KREMEN1: variants seen among roughly 807,000 people sequenced by gnomAD.
The protein encoded by KREMEN1 is kringle containing transmembrane protein 1, also known as kremen protein 1.
Under a neutral mutation model 46.5 loss-of-function variants are expected in KREMEN1, and 30 were observed. The ratio of observed to expected loss-of-function variants is 0.65; its 90% CI spans 0.48 to 0.88. The LOEUF is 0.88. Among genes scored for constraint, KREMEN1 ranks in the 40% least tolerant of loss-of-function variants. The pLI is 0.00. For missense variants in KREMEN1, 533 were observed against 596.9 expected, an observed-to-expected ratio of 0.89 and a Z score of 1.11; for synonymous variants, 214 against 230.6, an observed-to-expected ratio of 0.93 and a Z score of 0.65.
At chr22:29,101,730 A>T (rs1196394245) in intron 3 of KREMEN1, among the ~76,000 whole-genome samples, 1 of 152,226 alleles carries the variant, frequency 6.6e-6, no homozygotes, top group Non-Finnish European at 1.5e-5. Flanking sequence ...CATGCTGCTC[A>T]GGTTTGTAGC....
chr22:29,142,541 C>A lies in KREMEN1; in HGVS notation c.*429C>A. On this transcript the variant is annotated 3_prime_UTR_variant, in exon 9 of 9. Coordinates refer to ENST00000400335, the MANE Select transcript of KREMEN1 (RefSeq NM_001039570.3). ...TTTTTGTCCACACACAAATCAGTTT[C>A]TCCTGATCTTTATGTCTTGGAACAG... is the stretch of plus-strand genomic sequence containing the variant. 1 of 987,628 alleles carries A rather than the reference C, an allele frequency of 1.0e-6. No homozygotes were observed. The highest frequency in any genetic ancestry group is 4.7e-5 in the South Asian group (1 of 21,324). The allele number at this position is 987,628 out of a possible 1,614,324, so 61.2% of individuals were successfully genotyped here.
rs752316706 is a variant in KREMEN1 at position 29,094,334 on chromosome 22, G to A, written c.174G>A (p.Leu58=). The part of the protein sequence containing the change: ...WTALQGGKPC[L]FWNETFQHPY... Reference sequence around the variant, plus strand: ...CACTACAAGGCGGGAAGCCATGTCTGTTTTGGAACGAGACTTTCCAGCATC... The same window carrying A: ...CACTACAAGGCGGGAAGCCATGTCTATTTTGGAACGAGACTTTCCAGCATC... Residue 58 remains leucine (L), a synonymous_variant, in exon 2 of 9, where the codon CTG becomes CTA. Coordinates refer to ENST00000400335, the MANE Select transcript of KREMEN1 (RefSeq NM_001039570.3). 4.3e-6 allele frequency: 7 copies of A among 1,613,836 alleles called. No homozygotes were observed. Among genetic ancestry groups the A allele is most frequent in the Non-Finnish European group, 5.1e-6 (6 of 1,179,946 alleles).
chr22:29,097,104 C>T (rs1031404000), intron 2 of KREMEN1, among the ~76,000 whole-genome samples: 15 of 152,222 alleles, frequency 9.9e-5, no homozygotes, highest in Admixed American at 4.6e-4. Context: ...TTATCTTCTA[C>T]GCCACATGAC....
At chr22:29,131,602 A>G (rs1459695940) in intron 5 of KREMEN1, among the ~76,000 whole-genome samples, 4 of 130,980 alleles carry the variant, frequency 3.1e-5, no homozygotes, top group East Asian at 4.8e-4. Context: ...GTGTATATGT[A>G]TATATGTGTG....
intron 9 of KREMEN1, among the ~76,000 whole-genome samples, chr22:29,156,054 G>C (rs1206370134): frequency 6.6e-6 from 1 of 152,212 alleles, no homozygotes; most frequent in Non-Finnish European, 1.5e-5. Context: ...CTGTTAAAAG[G>C]CTGGTGCATG....
In KREMEN1 at chr22:29,144,106, C is replaced by T. The variant is rs995251856; in HGVS notation, c.*1994C>T. The T allele has an allele frequency of 1.3e-5, 13 of 985,510 alleles. No homozygotes were observed. The highest frequency in any genetic ancestry group is 4.7e-5 in the South Asian group (1 of 21,294). The allele number at this position is 985,510 out of a possible 1,614,324, so 61.0% of individuals were successfully genotyped here. On this transcript the variant is annotated 3_prime_UTR_variant, in exon 9 of 9. Transcript: ENST00000400335. ...GGCCAGGCCTAGGCCCTCGTCAGAG[C>T]GTGCCTCTCCACAAGGCACTTGGGC... is the stretch of plus-strand genomic sequence containing the variant.
intron 9 of KREMEN1, among the ~76,000 whole-genome samples, chr22:29,157,015 TAAGTGGGGGTA>T (rs1479276791): frequency 6.6e-6 from 1 of 152,178 alleles, no homozygotes; most frequent in African/African-American, 2.4e-5. Context: ...ATCCTGCTGG[TAAGTGGGGGTA>T]AAGATGGACT....
intron 1 of KREMEN1, among the ~76,000 whole-genome samples, chr22:29,090,028 C>T (rs946130571): frequency 6.6e-6 from 1 of 152,184 alleles, no homozygotes; most frequent in African/African-American, 2.4e-5. Flanking sequence ...TCATTTTGAT[C>T]AGTTTATTAT....
chr22:29,107,908 C>T (rs1601775805), intron 3 of KREMEN1, among the ~76,000 whole-genome samples: 2 of 152,170 alleles, frequency 1.3e-5, no homozygotes, highest in African/African-American at 4.8e-5. Flanking sequence ...TTAAGCCTCT[C>T]CTTGGTAGCC....
In KREMEN1 at chr22:29,131,791, T is replaced by C. The variant is rs1380143832; in HGVS notation, c.632-5551T>C. ...ATGTATATATATATATAGTTTTGTGTTTTGCAGAATATTATATAAATGGAA... is the reference window on the plus strand; with the variant it reads ...ATGTATATATATATATAGTTTTGTGCTTTGCAGAATATTATATAAATGGAA... On this transcript the variant is annotated intron_variant, in intron 5 of 8. Coordinates refer to ENST00000400335, the MANE Select transcript of KREMEN1 (RefSeq NM_001039570.3). Among the ~76,000 whole-genome samples the C allele has an allele frequency of 4.8e-5, 7 of 145,442 alleles. No individual in the cohort carries two copies. The East Asian group carries it at 1.4e-3, about 28-fold the overall frequency.
intron 3 of KREMEN1, among the ~76,000 whole-genome samples, chr22:29,112,244 T>C (rs1234855880): frequency 6.6e-6 from 1 of 152,150 alleles, no homozygotes; most frequent in Non-Finnish European, 1.5e-5. Context: ...CGGATCCCAA[T>C]TCCAGCTTCC....
intron 8 of KREMEN1, among the ~76,000 whole-genome samples, chr22:29,141,386 G>C (rs941687016): frequency 6.6e-6 from 1 of 152,188 alleles, no homozygotes; most frequent in Non-Finnish European, 1.5e-5. Flanking sequence ...CATCCCCTGT[G>C]GCAGCAAGAG....
chr22:29,161,506 CAAAAAAAAAAAA>C (rs35296953), intron 9 of KREMEN1, among the ~76,000 whole-genome samples: 1 of 63,324 alleles, frequency 1.6e-5, no homozygotes. Context: ...GACTCCATCT[CAAAAAAAAAAAA>C]AAAAAAAAAA....
At chr22:29,157,089 T>C (rs906344527) in intron 9 of KREMEN1, among the ~76,000 whole-genome samples, 1 of 152,084 alleles carries the variant, frequency 6.6e-6, no homozygotes, top group Non-Finnish European at 1.5e-5. Context: ...CATATTCATA[T>C]TGGAAAACTC....
chr22:29,094,626 C>T (rs1348686233), intron 2 of KREMEN1, among the ~76,000 whole-genome samples: 5 of 112,966 alleles, frequency 4.4e-5, no homozygotes, highest in Non-Finnish European at 9.2e-5. Context: ...ATTTACCACT[C>T]TTTTTTTTTT....
At chr22:29,134,590 G>A (rs2038627690) in intron 5 of KREMEN1, among the ~76,000 whole-genome samples, 1 of 152,084 alleles carries the variant, frequency 6.6e-6, no homozygotes, top group South Asian at 2.1e-4. Context: ...TTTTATATGT[G>A]TGTTGTAATT....
intron 2 of KREMEN1, among the ~76,000 whole-genome samples, chr22:29,095,379 G>A (rs891183673): frequency 2.0e-5 from 3 of 152,202 alleles, no homozygotes. Context: ...AGTTATCTGT[G>A]ATTGAAAACA....
chr22:29,105,457 G>A (rs1418721147), intron 3 of KREMEN1, among the ~76,000 whole-genome samples: 5 of 130,876 alleles, frequency 3.8e-5, no homozygotes, highest in Admixed American at 7.8e-5. Flanking sequence ...ATGAGCGTGC[G>A]TGTGCGCACA....
chr22:29,159,180 G>GGTC (rs2038989333), intron 9 of KREMEN1, among the ~76,000 whole-genome samples: 4 of 144,818 alleles, frequency 2.8e-5, no homozygotes, highest in African/African-American at 1.0e-4. Context: ...TGCCCAGGCT[G>GGTC]GTCTCGAACT....
Sources: gnomAD v4.1 joint callset for allele counts (sites outside exome capture counted in the v4.1 genomes callset) on GRCh38, gnomAD v4.1.1 for gene constraint, MANE v1.5 for transcripts, NCBI Gene and HGNC (gene_info 2026-07-23, HGNC 2026-07-21) for gene names.